Variants in MKNK1 observed in about 807,000 individuals in gnomAD.
The protein encoded by MKNK1 is MAPK interacting serine/threonine kinase 1.
Under a neutral mutation model 49.3 loss-of-function variants are expected in MKNK1, and 30 were observed. The ratio of observed to expected loss-of-function variants is 0.61; its 90% CI spans 0.46 to 0.83. The LOEUF (loss-of-function observed/expected upper bound fraction) is 0.83, where lower values mean the gene tolerates loss of function less well. MKNK1 is among the 40% of genes least tolerant of loss of function. The pLI is 0.00. For synonymous variants in MKNK1, 176 were observed against 201.7 expected (o/e 0.87, Z 1.08); for missense variants, 423 against 524.7 (o/e 0.81, Z 1.89).
At chr1:46,567,494 A>C (rs1275596027) in intron 8 of MKNK1, among the ~76,000 whole-genome samples, 1 of 152,254 alleles carries the variant, frequency 6.6e-6, no homozygotes, top group Non-Finnish European at 1.5e-5. Flanking sequence ...TGTAATTATT[A>C]GTAGTAATCA....
chr1:46,596,336 C>A (rs1674062451), intron 1 of MKNK1, among the ~76,000 whole-genome samples: 1 of 152,124 alleles, frequency 6.6e-6, no homozygotes, highest in Non-Finnish European at 1.5e-5. Context: ...AAATATTGAT[C>A]TTTTCTTGAT....
At chr1:46,586,964 T>C (rs1672664390) in intron 2 of MKNK1, among the ~76,000 whole-genome samples, 1 of 152,186 alleles carries the variant, frequency 6.6e-6, no homozygotes, top group African/African-American at 2.4e-5. Context: ...CATGCCACCA[T>C]GTCCGGCTAA....
At chr1:46,586,304 C>A in intron 2 of MKNK1, 1 of 261,696 alleles carries the variant, frequency 3.8e-6, no homozygotes. Context: ...CCTTTTGCAG[C>A]TCCCTGATAA....
At chr1:46,579,639 A>G (rs1433246485) in intron 4 of MKNK1, among the ~76,000 whole-genome samples, 1 of 152,162 alleles carries the variant, frequency 6.6e-6, no homozygotes, top group Non-Finnish European at 1.5e-5. Context: ...CTTCTCAGGT[A>G]GGGCCAGGTA....
At chr1:46,581,674 T>G (rs1412506487) in intron 3 of MKNK1, among the ~76,000 whole-genome samples, 2 of 152,140 alleles carry the variant, frequency 1.3e-5, no homozygotes. Flanking sequence ...AATAAAACAC[T>G]GTTCTATTTT....
chr1:46,558,465 T>C lies in MKNK1; in HGVS notation c.*110A>G. The C allele has an allele frequency of 2.7e-6, 3 of 1,123,044 alleles. No individual in the cohort carries two copies. The highest frequency in any genetic ancestry group is 3.7e-6 in the Non-Finnish European group (3 of 808,672). The allele number at this position is 1,123,044 out of a possible 1,614,324, so 69.6% of individuals were successfully genotyped here. On this transcript the variant is annotated 3_prime_UTR_variant, in exon 13 of 13. Transcript: ENST00000371945. The stretch of plus-strand genomic sequence containing the variant: ...GCCTTCGTAGATGAAAAAGCCTGAA[T>C]GGAGCCACAGAGCAGAGGCTGCTGC...
rs1416978111 is a variant in MKNK1, at chr1:46,589,049, C to T, written c.-3+5064G>A. ...AAATAAGAGACTAGAAGTGAAAGCA[C>T]CACTGACTTACTCTTCAATAATGCT... is the stretch of plus-strand genomic sequence containing the variant. On this transcript the variant is annotated intron_variant, in intron 2 of 12. Coordinates refer to ENST00000371945, the MANE Select transcript of MKNK1 (RefSeq NM_001135553.4). The surrounding 1 kb of genome is among the most constrained non-coding windows in gnomAD (Gnocchi z 4.3). Among the ~76,000 whole-genome samples, 1 of 152,160 alleles carries T rather than the reference C, an allele frequency of 6.6e-6. No individual in the cohort carries two copies. The highest frequency in any genetic ancestry group is 2.4e-5 in the African/African-American group (1 of 41,420).
At chr1:46,564,203 G>C (rs1220616392) in intron 9 of MKNK1, among the ~76,000 whole-genome samples, 1 of 152,048 alleles carries the variant, frequency 6.6e-6, no homozygotes, top group Non-Finnish European at 1.5e-5. Context: ...TGAAATCAGA[G>C]AAGCAAACAG....
chr1:46,577,074 C>T (rs981039935), intron 4 of MKNK1, among the ~76,000 whole-genome samples: 1 of 152,190 alleles, frequency 6.6e-6, no homozygotes, highest in Non-Finnish European at 1.5e-5. Flanking sequence ...GACACCGTGG[C>T]GAGGAGCTAA....
At chr1:46,570,235 A>C (rs1484680202) in intron 7 of MKNK1, 1 of 152,108 alleles carries the variant, frequency 6.6e-6, no homozygotes, top group African/African-American at 2.4e-5. Context: ...ATAAATAATA[A>C]AACCTGCCTT....
rs550391938 is a variant in MKNK1, at chr1:46,595,772, G to A, written c.-170-1492C>T. On this transcript the variant is annotated intron_variant, in intron 1 of 12. Transcript: ENST00000371945. Reference sequence around the variant, plus strand: ...GGGACAGCCTTGAACACCATCCAACGACAGGATCTGGCTCCATTAGCCAGG... The same window carrying A: ...GGGACAGCCTTGAACACCATCCAACAACAGGATCTGGCTCCATTAGCCAGG... 5.2e-4 allele frequency among the ~76,000 whole-genome samples: 79 copies of A among 152,200 alleles called. 1 individual carries two copies. Among genetic ancestry groups the A allele is most frequent in the African/African-American group, 1.9e-3 (77 of 41,538 alleles).
chr1:46,561,135 T>G (rs1667883609), intron 11 of MKNK1, among the ~76,000 whole-genome samples: 1 of 152,220 alleles, frequency 6.6e-6, no homozygotes, highest in Non-Finnish European at 1.5e-5. Flanking sequence ...TGCTCACTTC[T>G]GGGTGTCCTC....
chr1:46,574,953 G>T lies in MKNK1; in HGVS notation c.346C>A (p.Gln116Lys). 6.2e-7 allele frequency: 1 copy of T among 1,609,996 alleles called. No individual in the cohort carries two copies. The highest frequency in any genetic ancestry group is 8.5e-7 in the Non-Finnish European group (1 of 1,176,594). ...TRFYLVFEKLQGGSILAHIQK... is the reference protein window; with the variant it reads ...TRFYLVFEKLKGGSILAHIQK... ...CATACTCAACGGTAAGTACCTCCTT[G>T]CAATTTCTCAAAGACCAAGTAAAAC... Residue 116 changes from glutamine (Q) to lysine (K), a missense_variant, in exon 6 of 13, where the codon CAA becomes AAA. By Grantham distance (53) the Gln-to-Lys change is moderately conservative. Transcript: ENST00000371945.
intron 4 of MKNK1, among the ~76,000 whole-genome samples, chr1:46,577,760 A>T (rs1435029337): frequency 6.6e-5 from 10 of 152,186 alleles, no homozygotes. Flanking sequence ...AAGCCAACAG[A>T]TGGGAGGGTG....
At chr1:46,562,616 G>A (rs1466126480) in intron 10 of MKNK1, 33 bp downstream of exon 10, 2 of 1,543,928 alleles carry the variant, frequency 1.3e-6, no homozygotes, top group South Asian at 2.4e-5. Context: ...CCCCTAGCAG[G>A]GTCTACGCAG....
rs1040693120 is a variant in MKNK1, at chr1:46,589,840, T to G, written c.-3+4273A>C. ...CTTCTCCATAGTCTTATGAGCCACA[T>G]TGTCCCCAAAGGAACCAGATCTGTA... On this transcript the variant is annotated intron_variant, in intron 2 of 12. Transcript: ENST00000371945. This position sits in a 1 kb window ranked among gnomAD's most constrained non-coding sequence, Gnocchi z 4.3. 2.6e-5 allele frequency among the ~76,000 whole-genome samples: 4 copies of G among 152,146 alleles called. No homozygotes were observed. Among genetic ancestry groups the G allele is most frequent in the Non-Finnish European group, 4.4e-5 (3 of 68,022 alleles).
Position 46,594,257 on chromosome 1 carries a change from T to G in MKNK1, c.-147A>C. 3 of 820,992 alleles carry G rather than the reference T, an allele frequency of 3.7e-6. No individual in the cohort carries two copies. Among genetic ancestry groups the G allele is most frequent in the Non-Finnish European group, 6.4e-6 (3 of 465,932 alleles). 50.9% of individuals were successfully genotyped at this position (820,992 alleles called of 1,614,324 possible). ...GTGCGTAGGTGGCAATCTTCAGTTCTCCATCGGCCTCTGACATGGAAACCT... is the reference window on the plus strand; with the variant it reads ...GTGCGTAGGTGGCAATCTTCAGTTCGCCATCGGCCTCTGACATGGAAACCT... On this transcript the variant is annotated 5_prime_UTR_variant, in exon 2 of 13. Transcript: ENST00000371945.
At chr1:46,574,878 G>T in intron 6 of MKNK1, 69 bp downstream of exon 6, 2 of 1,059,752 alleles carry the variant, frequency 1.9e-6, no homozygotes, top group Non-Finnish European at 2.8e-6. Context: ...AAGTCTCTGG[G>T]ATTCATGATG....
intron 7 of MKNK1, among the ~76,000 whole-genome samples, chr1:46,570,539 A>G (rs1669921039): frequency 1.3e-5 from 2 of 152,236 alleles, no homozygotes; most frequent in African/African-American, 2.4e-5. Flanking sequence ...CCTCCTGGAC[A>G]TGCGCCACAC....
Sources: gnomAD v4.1 joint callset for allele counts (sites outside exome capture counted in the v4.1 genomes callset) on GRCh38, gnomAD v4.1.1 for gene constraint, Gnocchi (gnomAD v3.1) non-coding constraint, MANE v1.5 for transcripts, NCBI Gene and HGNC (gene_info 2026-07-23, HGNC 2026-07-21) for gene names.